The following NLGN1 variants were observed in gnomAD, a reference collection of about 807,000 sequenced individuals.
NLGN1 encodes neuroligin-1.
A neutral mutation model predicts 65.5 loss-of-function variants in NLGN1; 12 were observed. The observed-to-expected ratio is 0.18, with a 90% CI of 0.12 to 0.30. NLGN1 has a LOEUF of 0.30. Among genes scored for constraint, NLGN1 ranks in the 10% least tolerant of loss-of-function variants. The pLI is 1.00. For missense variants in NLGN1, 750 were observed against 1,007.1 expected, an observed-to-expected ratio of 0.74 and a Z score of 3.46; for synonymous variants, 350 against 359.5, an observed-to-expected ratio of 0.97 and a Z score of 0.30.
At chr3:173,874,472 A>G (rs1240719695) in intron 4 of NLGN1, among the ~76,000 whole-genome samples, 2 of 152,368 alleles carry the variant, frequency 1.3e-5, no homozygotes, top group East Asian at 3.9e-4. Context: ...CCAGTGAATA[A>G]TAACATCTAG....
At chr3:173,622,803 A>G (rs1222858195) in intron 3 of NLGN1, among the ~76,000 whole-genome samples, 1 of 152,134 alleles carries the variant, frequency 6.6e-6, no homozygotes, top group Non-Finnish European at 1.5e-5. Context: ...AGTTTCCACA[A>G]TGTGATTCCA....
At chr3:173,506,955 T>C (rs1286386884) in intron 2 of NLGN1, among the ~76,000 whole-genome samples, 2 of 152,116 alleles carry the variant, frequency 1.3e-5, no homozygotes, top group African/African-American at 4.8e-5. Flanking sequence ...TAACACTTGG[T>C]TTTTCAAATG....
intron 4 of NLGN1, among the ~76,000 whole-genome samples, chr3:174,113,908 G>A (rs570274093): frequency 3.3e-5 from 5 of 152,064 alleles, no homozygotes; most frequent in Admixed American, 1.3e-4. Context: ...TTATAGTTAC[G>A]ACGGAAATCT....
At chr3:173,938,406 A>G (rs1220278758) in intron 4 of NLGN1, among the ~76,000 whole-genome samples, 1 of 152,078 alleles carries the variant, frequency 6.6e-6, no homozygotes, top group African/African-American at 2.4e-5. Flanking sequence ...CCATGGAAAC[A>G]TAGTCTTGGT....
At chr3:173,705,007 T>C (rs1276436406) in intron 3 of NLGN1, among the ~76,000 whole-genome samples, 1 of 152,202 alleles carries the variant, frequency 6.6e-6, no homozygotes, top group African/African-American at 2.4e-5. Context: ...AAAATTACTT[T>C]GCATAGGCTT....
At chr3:173,707,707 C>T (rs1198931612) in intron 3 of NLGN1, among the ~76,000 whole-genome samples, 2 of 151,988 alleles carry the variant, frequency 1.3e-5, no homozygotes, top group Non-Finnish European at 2.9e-5. Flanking sequence ...AAAATAAGCT[C>T]ACAAATGGGG....
intron 4 of NLGN1, among the ~76,000 whole-genome samples, chr3:174,219,558 C>A (rs1233094479): frequency 2.0e-5 from 3 of 152,252 alleles, no homozygotes; most frequent in East Asian, 1.9e-4. Flanking sequence ...CAGATGATTA[C>A]CTGCTAAGCT....
At chr3:173,994,962 A>G (rs1454651472) in intron 4 of NLGN1, among the ~76,000 whole-genome samples, 1 of 152,204 alleles carries the variant, frequency 6.6e-6, no homozygotes, top group African/African-American at 2.4e-5. Flanking sequence ...ACTAGTAGAT[A>G]TATAAAAAAA....
intron 2 of NLGN1, among the ~76,000 whole-genome samples, chr3:173,435,499 T>A (rs1018000349): frequency 6.6e-6 from 1 of 152,184 alleles, no homozygotes; most frequent in Non-Finnish European, 1.5e-5. Flanking sequence ...GGAAGCGTTA[T>A]GTTGTGATAT....
intron 4 of NLGN1, among the ~76,000 whole-genome samples, chr3:174,044,220 G>A (rs2861663): frequency 6.6e-6 from 1 of 152,150 alleles, no homozygotes; most frequent in Non-Finnish European, 1.5e-5. Context: ...GTGATGCTAA[G>A]GGCTGCTGTG....
chr3:174,213,942 T>C (rs1034164393), intron 4 of NLGN1, among the ~76,000 whole-genome samples: 1 of 152,194 alleles, frequency 6.6e-6, no homozygotes, highest in Non-Finnish European at 1.5e-5. Flanking sequence ...TATAATTATT[T>C]GCCTTAAAGG....
chr3:174,168,305 T>C (rs889482352), intron 4 of NLGN1, among the ~76,000 whole-genome samples: 28 of 152,260 alleles, frequency 1.8e-4, no homozygotes, highest in African/African-American at 6.7e-4. Context: ...GGTGACAGAG[T>C]TCTTATGCTG....
intron 4 of NLGN1, among the ~76,000 whole-genome samples, chr3:174,270,717 G>A (rs972402836): frequency 1.6e-4 from 25 of 151,728 alleles, no homozygotes; most frequent in Non-Finnish European, 2.7e-4. Context: ...GAATAAGTCC[G>A]TGACATGAAG....
intron 4 of NLGN1, among the ~76,000 whole-genome samples, chr3:173,867,188 C>G (rs964077060): frequency 6.6e-6 from 1 of 152,084 alleles, no homozygotes; most frequent in African/African-American, 2.4e-5. Flanking sequence ...CCAAAATATG[C>G]AGAGATGATA....
At chr3:173,986,648 A>C (rs1720001720) in intron 4 of NLGN1, among the ~76,000 whole-genome samples, 1 of 152,166 alleles carries the variant, frequency 6.6e-6, no homozygotes, top group Non-Finnish European at 1.5e-5. Flanking sequence ...GTGAGATAAT[A>C]AATTTCTGTT....
chr3:173,601,796 AAT>A (rs1345019572), intron 2 of NLGN1, among the ~76,000 whole-genome samples: 1 of 152,042 alleles, frequency 6.6e-6, no homozygotes, highest in Non-Finnish European at 1.5e-5. Flanking sequence ...AAACTGGTAA[AAT>A]ATGTATAAAA....
chr3:174,017,282 G>T (rs969472533), intron 4 of NLGN1, among the ~76,000 whole-genome samples: 1 of 152,144 alleles, frequency 6.6e-6, no homozygotes, highest in Non-Finnish European at 1.5e-5. Context: ...TCATTATTGT[G>T]TAGGACTTTA....
chr3:174,092,645 A>G (rs900083791), intron 4 of NLGN1, among the ~76,000 whole-genome samples: 2 of 151,992 alleles, frequency 1.3e-5, no homozygotes, highest in African/African-American at 4.8e-5. Flanking sequence ...GGTTATTATT[A>G]TTATTATTAT....
intron 2 of NLGN1, among the ~76,000 whole-genome samples, chr3:173,542,786 G>T (rs1739114750): frequency 6.6e-6 from 1 of 151,990 alleles, no homozygotes; most frequent in Non-Finnish European, 1.5e-5. Flanking sequence ...ATTTAAAGAA[G>T]ATTTTGCTAT....
Sources: allele counts gnomAD v4.1 joint callset (sites outside exome capture counted in the v4.1 genomes callset), GRCh38; gene constraint gnomAD v4.1.1; transcripts MANE v1.5; gene names NCBI Gene and HGNC (gene_info 2026-07-23, HGNC 2026-07-21).